LARGE1: variants seen among roughly 807,000 people sequenced by gnomAD.
The protein encoded by LARGE1 is LARGE xylosyl- and glucuronyltransferase 1, also known as xylosyl- and glucuronyltransferase LARGE1.
LARGE1 carries 43 observed loss-of-function variants against 87.6 expected under a neutral mutation model. The observed-to-expected ratio is 0.49, with a 90% CI of 0.38 to 0.63. The LOEUF (loss-of-function observed/expected upper bound fraction) is 0.63, where lower values mean the gene tolerates loss of function less well. Among genes scored for constraint, LARGE1 ranks in the 30% least tolerant of loss-of-function variants. The pLI is 0.00. For synonymous variants in LARGE1, 434 were observed against 394.6 expected (o/e 1.10, Z -1.18); for missense variants, 802 against 1,000.2 (o/e 0.80, Z 2.67).
intron 1 of LARGE1, among the ~76,000 whole-genome samples, chr22:33,880,777 C>T (rs138439677): frequency 0.049 from 7,518 of 152,218 alleles, 241 homozygotes; most frequent in Admixed American, 0.079. Context: ...CCCTCTGCTC[C>T]TCTTACTTTT....
chr22:33,729,881 A>T (rs1030052200), intron 2 of LARGE1, among the ~76,000 whole-genome samples: 5 of 152,194 alleles, frequency 3.3e-5, no homozygotes, highest in Admixed American at 1.3e-4. Context: ...CTCATCAAGT[A>T]TTTATGGAGG....
At chr22:33,578,642 C>T (rs1448567129) in intron 5 of LARGE1, among the ~76,000 whole-genome samples, 1 of 152,124 alleles carries the variant, frequency 6.6e-6, no homozygotes, top group African/African-American at 2.4e-5. Flanking sequence ...AAGGAAATCA[C>T]CCAATTATAA....
intron 6 of LARGE1, among the ~76,000 whole-genome samples, chr22:33,507,269 T>A (rs1273690560): frequency 6.6e-6 from 1 of 152,100 alleles, no homozygotes; most frequent in Non-Finnish European, 1.5e-5. Flanking sequence ...TGAAACAAGG[T>A]TGTCTGAATG....
intron 11 of LARGE1, among the ~76,000 whole-genome samples, chr22:33,252,352 C>T (rs554518169): frequency 6.7e-6 from 1 of 148,290 alleles, no homozygotes; most frequent in Non-Finnish European, 1.5e-5. Flanking sequence ...CTCTAGTCTT[C>T]CAGCCTAACT....
chr22:33,114,584 T>C, the LARGE1 span, among the ~76,000 whole-genome samples: 1 of 152,258 alleles, frequency 6.6e-6, no homozygotes, highest in Non-Finnish European at 1.5e-5. Flanking sequence ...ACAGATATTG[T>C]TGATAGTTTC....
intron 3 of LARGE1, among the ~76,000 whole-genome samples, chr22:33,638,714 A>G (rs1190534418): frequency 6.6e-6 from 1 of 152,252 alleles, no homozygotes; most frequent in Admixed American, 6.5e-5. Flanking sequence ...CTTATCTGTC[A>G]AATGAAGGTA....
intron 1 of LARGE1, among the ~76,000 whole-genome samples, chr22:33,915,042 CAG>C (rs57289711): frequency 3.7e-4 from 51 of 137,052 alleles, no homozygotes; most frequent in African/African-American, 8.3e-4. Flanking sequence ...CACACACACA[CAG>C]AGAGAGAGAG....
chr22:33,346,354 G>C (rs1284432754), intron 9 of LARGE1, among the ~76,000 whole-genome samples: 1 of 150,528 alleles, frequency 6.6e-6, no homozygotes, highest in African/African-American at 2.5e-5. Flanking sequence ...CCAGGCTGGA[G>C]TGCAATGATG....
chr22:33,529,546 A>T (rs2148561576), intron 6 of LARGE1, among the ~76,000 whole-genome samples: 1 of 152,346 alleles, frequency 6.6e-6, no homozygotes, highest in Non-Finnish European at 1.5e-5. Flanking sequence ...GCCAAAAGGA[A>T]AGATGACGAG....
At chr22:33,548,889 G>A (rs532157379) in intron 6 of LARGE1, among the ~76,000 whole-genome samples, 1 of 152,282 alleles carries the variant, frequency 6.6e-6, no homozygotes, top group South Asian at 2.1e-4. Context: ...ATGACCTGTG[G>A]TCATTTTTGA....
intron 3 of LARGE1, among the ~76,000 whole-genome samples, chr22:33,635,429 G>A (rs73400707): frequency 0.026 from 4,033 of 152,214 alleles, 167 homozygotes; most frequent in African/African-American, 0.092. Context: ...CAACCTCTCA[G>A]ACACGGTGTT....
chr22:33,244,094 T>C (rs1926644750), intron 11 of LARGE1, among the ~76,000 whole-genome samples: 1 of 152,108 alleles, frequency 6.6e-6, no homozygotes, highest in Non-Finnish European at 1.5e-5. Context: ...GTTCATGCCA[T>C]TCTCCTGCCT....
intron 11 of LARGE1, among the ~76,000 whole-genome samples, chr22:33,227,576 A>G (rs1284713658): frequency 6.6e-6 from 1 of 152,060 alleles, no homozygotes; most frequent in Non-Finnish European, 1.5e-5. Context: ...TTGACCCCAA[A>G]CCTGTCTTTT....
chr22:33,878,023 T>C (rs1040766817), intron 1 of LARGE1, among the ~76,000 whole-genome samples: 1 of 151,594 alleles, frequency 6.6e-6, no homozygotes, highest in African/African-American at 2.4e-5. Context: ...TTGGTTATGC[T>C]GGGCTAAATA....
At chr22:33,186,314 T>C (rs137392) in intron 11 of LARGE1, among the ~76,000 whole-genome samples, 90,924 of 151,892 alleles carry the variant, frequency 0.6, 27,459 homozygotes, top group Middle Eastern at 0.66. Context: ...AAAAAGGTGA[T>C]AAATCATAAC....
At chr22:33,603,107 T>A (rs573208869) in intron 5 of LARGE1, among the ~76,000 whole-genome samples, 30 of 152,116 alleles carry the variant, frequency 2.0e-4, no homozygotes, top group Non-Finnish European at 3.5e-4. Context: ...GCACGCAAAT[T>A]ACCAAGACAA....
At chr22:33,674,642 A>T (rs4821170) in intron 2 of LARGE1, among the ~76,000 whole-genome samples, 78,291 of 151,886 alleles carry the variant, frequency 0.52, 20,592 homozygotes, top group African/African-American at 0.62. Flanking sequence ...GGCCTTTGCA[A>T]GCCATTCCCA....
At chr22:33,406,495 C>T (rs1281717584) in intron 7 of LARGE1, among the ~76,000 whole-genome samples, 2 of 152,054 alleles carry the variant, frequency 1.3e-5, no homozygotes, top group Non-Finnish European at 2.9e-5. Context: ...ATGAAACATC[C>T]ATGTTTTGAC....
At chr22:33,645,825 C>A (rs750225470) in intron 3 of LARGE1, among the ~76,000 whole-genome samples, 6 of 152,098 alleles carry the variant, frequency 3.9e-5, no homozygotes, top group Non-Finnish European at 7.4e-5. Flanking sequence ...ATACGGCCAA[C>A]AAACATATGA....
Sources: allele counts gnomAD v4.1 joint callset (sites outside exome capture counted in the v4.1 genomes callset), GRCh38; gene constraint gnomAD v4.1.1; transcripts MANE v1.5; gene names NCBI Gene and HGNC (gene_info 2026-07-23, HGNC 2026-07-21).